ZFP90: variants seen among roughly 807,000 people sequenced by gnomAD.
The protein encoded by ZFP90 is zinc finger protein 90 homolog.
A neutral mutation model predicts 60.8 loss-of-function variants in ZFP90; 38 were observed. The ratio of observed to expected loss-of-function variants is 0.62; its 90% CI spans 0.48 to 0.82. The LOEUF (loss-of-function observed/expected upper bound fraction) is 0.82. Ranked by LOEUF, ZFP90 falls within the 40% of genes least tolerant of loss-of-function variation. The pLI, the probability that ZFP90 is intolerant of heterozygous loss-of-function variation, is 0.00. For missense variants in ZFP90, 711 were observed against 759.1 expected (o/e 0.94, Z 0.74); for synonymous variants, 287 against 264.8 (o/e 1.08, Z -0.82).
chr16:68,571,460 C>T (rs2091567529), downstream of ZFP90, among the ~76,000 whole-genome samples: 1 of 152,188 alleles, frequency 6.6e-6, no homozygotes, highest in South Asian at 2.1e-4. Flanking sequence ...AACTCATTTA[C>T]AGTTAAAGTT....
chr16:68,570,342 A>G (rs957231999), downstream of ZFP90, among the ~76,000 whole-genome samples: 7 of 152,220 alleles, frequency 4.6e-5, no homozygotes, highest in Non-Finnish European at 1.0e-4. Context: ...AAGGCAAGCC[A>G]GTGGTGTTAG....
chr16:68,540,661 C>G (rs1474715595), intron 2 of ZFP90, among the ~76,000 whole-genome samples: 8 of 151,788 alleles, frequency 5.3e-5, no homozygotes, highest in Admixed American at 3.9e-4. Flanking sequence ...TGTGAGACAT[C>G]AAGATCAATT....
chr16:68,575,463 T>C (rs993994759), intron 2 of ZFP90, among the ~76,000 whole-genome samples: 5 of 149,026 alleles, frequency 3.4e-5, no homozygotes, highest in Admixed American at 2.7e-4. Context: ...TCAGGTCATC[T>C]CTCTGTTGAC....
chr16:68,575,983 C>A, exon 3 of ZFP90: 28 of 331,512 alleles, frequency 8.4e-5, no homozygotes, highest in South Asian at 1.6e-4. Flanking sequence ...AACTCTGGAA[C>A]ATTTATTCCA....
chr16:68,537,944 C>T (rs530138495), upstream of ZFP90, among the ~76,000 whole-genome samples: 2 of 151,536 alleles, frequency 1.3e-5, no homozygotes, highest in Non-Finnish European at 2.9e-5. Flanking sequence ...TGGAGTTTTG[C>T]TGTTGTTGCC....
chr16:68,563,022 T>C (rs1483805832), intron 4 of ZFP90, 22 bp from the exon 5 acceptor site: 1 of 1,613,644 alleles, frequency 6.2e-7, no homozygotes, highest in South Asian at 1.1e-5. Context: ...TAGGGGACTT[T>C]TGTACTTTGG....
In ZFP90 at chr16:68,567,131, A is replaced by G. The variant is rs1164850805; in HGVS notation, c.*2433A>G. ...TTCAATAAATAGCCTTCTGAGTTGA[A>G]TGGGAGTCAGTTTGTCGTTTTCAAT... On this transcript the variant is annotated 3_prime_UTR_variant, in exon 5 of 5. Transcript: ENST00000563169. The G allele has an allele frequency of 2.0e-6, 2 of 985,418 alleles. No homozygotes were observed. Among genetic ancestry groups the G allele is most frequent in the African/African-American group, 1.7e-5 (1 of 57,210 alleles). The allele number at this position is 985,418 out of a possible 1,614,324, so 61.0% of individuals were successfully genotyped here.
chr16:68,547,837 T>TCTC (rs1555498465), intron 2 of ZFP90, among the ~76,000 whole-genome samples: 1 of 127,602 alleles, frequency 7.8e-6, no homozygotes, highest in Non-Finnish European at 1.7e-5. Flanking sequence ...TTGATCTCTC[T>TCTC]TTTTTTTTTT....
chr16:68,554,973 C>G (rs1220217905), intron 2 of ZFP90: 2 of 152,092 alleles, frequency 1.3e-5, no homozygotes, highest in Non-Finnish European at 2.9e-5. Flanking sequence ...GCTGGTCCAA[C>G]CCCTTTATCC....
intron 1 of ZFP90, 59 bp from the exon 2 acceptor site, chr16:68,539,699 C>A (rs1050688151): frequency 7.8e-6 from 7 of 894,026 alleles, no homozygotes; most frequent in Admixed American, 5.6e-5. Flanking sequence ...TGGGGCGGGG[C>A]GGGGCGGGGT....
intron 2 of ZFP90, among the ~76,000 whole-genome samples, chr16:68,545,122 G>A (rs1022889554): frequency 3.3e-5 from 5 of 151,538 alleles, no homozygotes; most frequent in Admixed American, 6.6e-5. Flanking sequence ...CTCATGATCC[G>A]CCCGCCTCGG....
chr16:68,538,494 G>A (rs1243481358), upstream of ZFP90, among the ~76,000 whole-genome samples: 4 of 152,096 alleles, frequency 2.6e-5, no homozygotes, highest in Non-Finnish European at 4.4e-5. Flanking sequence ...AGGCCGAGGC[G>A]AGTTCGAGAC....
At chr16:68,569,033 C>T (rs566811190), downstream of ZFP90, among the ~76,000 whole-genome samples, 1 of 152,036 alleles carries the variant, frequency 6.6e-6, no homozygotes, top group South Asian at 2.1e-4. Flanking sequence ...GGAACCAGAG[C>T]ATCTGGCGAA....
Position 68,564,348 on chromosome 16 carries a change from GGA to G in ZFP90, c.1566_1567del (p.Lys523ThrfsTer3). On this transcript the variant is annotated frameshift_variant, in exon 5 of 5. Transcript: ENST00000563169. LOFTEE classifies it high-confidence loss of function. The part of the protein sequence containing the change: ...SFIEHHRIHT[G>X]EKPYECNECG... ...CATAGAGCATCACAGAATTCATACT[GGA>G]GAGAAACCCTATGAATGTAATGAGT... 6.2e-7 allele frequency: 1 copy of G among 1,614,128 alleles called. No individual in the cohort carries two copies. The highest frequency in any genetic ancestry group is 8.5e-7 in the Non-Finnish European group (1 of 1,180,014).
At chr16:68,540,189 G>T (rs186644376) in intron 2 of ZFP90, among the ~76,000 whole-genome samples, 229 of 152,226 alleles carry the variant, frequency 1.5e-3, no homozygotes, top group African/African-American at 5.3e-3. Flanking sequence ...AGTGACTGTC[G>T]GCAAGTGTGG....
intron 2 of ZFP90, among the ~76,000 whole-genome samples, chr16:68,541,921 A>ACGCC (rs1167480500): frequency 4.6e-5 from 7 of 152,148 alleles, no homozygotes; most frequent in Non-Finnish European, 8.8e-5. Flanking sequence ...TGTTCCCTGA[A>ACGCC]CGCCCTGGCT....
At chr16:68,534,044 C>T (rs1204938650) in intron 2 of ZFP90, among the ~76,000 whole-genome samples, 1 of 152,008 alleles carries the variant, frequency 6.6e-6, no homozygotes, top group Non-Finnish European at 1.5e-5. Context: ...CCTCAATTCT[C>T]TTCTTTTTCT....
At chr16:68,568,231 T>C (rs1491002934), downstream of ZFP90, among the ~76,000 whole-genome samples, 1 of 152,226 alleles carries the variant, frequency 6.6e-6, no homozygotes, top group East Asian at 1.9e-4. Flanking sequence ...AGGCATATGG[T>C]AGATACTTAA....
chr16:68,542,992 AG>A (rs2091079053), intron 2 of ZFP90, among the ~76,000 whole-genome samples: 1 of 152,112 alleles, frequency 6.6e-6, no homozygotes, highest in Admixed American at 6.6e-5. Flanking sequence ...GTATCTCAAG[AG>A]GGAAAAAAGG....
Sources: gnomAD v4.1 joint callset for allele counts (sites outside exome capture counted in the v4.1 genomes callset) on GRCh38, gnomAD v4.1.1 for gene constraint, MANE v1.5 for transcripts, NCBI Gene and HGNC (gene_info 2026-07-23, HGNC 2026-07-21) for gene names.